Variants in UNC5B observed in about 807,000 individuals in gnomAD.
The protein encoded by UNC5B is unc-5 netrin receptor B.
In UNC5B, 56 loss-of-function variants were observed where a neutral mutation model predicts 103.7. That is an observed-to-expected ratio of 0.54 (90% confidence interval 0.44 to 0.67). The LOEUF (loss-of-function observed/expected upper bound fraction) is 0.67. Ranked by LOEUF, UNC5B falls within the 30% of genes least tolerant of loss-of-function variation. The probability of loss-of-function intolerance (pLI) is 0.00; values close to 1 mark genes in which losing one functional copy is unlikely to be tolerated. For missense variants in UNC5B, 1,194 were observed against 1,284.5 expected (o/e 0.93, Z 1.08); for synonymous variants, 577 against 542.0 (o/e 1.06, Z -0.90).
intron 1 of UNC5B, among the ~76,000 whole-genome samples, chr10:71,224,288 C>T (rs1843513685): frequency 6.7e-6 from 1 of 148,472 alleles, no homozygotes; most frequent in Admixed American, 6.7e-5. Context: ...GCCGGGGCTG[C>T]TGGGCACAGT....
At chr10:71,297,018 G>C (rs77187832) in intron 15 of UNC5B, among the ~76,000 whole-genome samples, 1 of 141,722 alleles carries the variant, frequency 7.1e-6, no homozygotes, top group African/African-American at 2.6e-5. Context: ...CAGATATTCC[G>C]GCTGCACAGC....
Position 71,290,931 on chromosome 10 carries a change from G to A in UNC5B, c.1116G>A (p.Gly372=). ...TCCCCGCAGTGCTGGAGGCCTCAGG[G>A]GATGCGGCGCTGTATGCGGGGCTCG... ...DPNSHLLEAS[G]DAALYAGLVV... Residue 372 remains glycine, a synonymous_variant, in exon 9 of 17, where the codon GGG becomes GGA. Coordinates refer to ENST00000335350, the MANE Select transcript of UNC5B (RefSeq NM_170744.5). 6.2e-7 allele frequency: 1 copy of A among 1,612,946 alleles called. No homozygotes were observed. Among genetic ancestry groups the A allele is most frequent in the South Asian group, 1.1e-5 (1 of 91,022 alleles).
intron 1 of UNC5B, among the ~76,000 whole-genome samples, chr10:71,270,878 T>C (rs1844631324): frequency 6.6e-6 from 1 of 152,124 alleles, no homozygotes; most frequent in Non-Finnish European, 1.5e-5. Flanking sequence ...AGCCTGCCAT[T>C]GCCTTAGGGG....
At position 71,287,673 on chromosome 10, in the gene UNC5B, C is replaced by A. The variant is rs763080232; in HGVS notation, c.809C>A (p.Thr270Asn). ...TGTGGCCGAGGCTGGCAGAAGCGCA[C>A]CCGGACCTGCACCAACCCCGCTCCA... ...NRCGRGWQKR[T>N]RTCTNPAPLN... is the part of the protein sequence containing the mutation. Residue 270 changes from threonine (T) to asparagine (N), a missense_variant, in exon 6 of 17, where the codon ACC becomes AAC. Coordinates refer to ENST00000335350, the MANE Select transcript of UNC5B (RefSeq NM_170744.5). 5 of 1,613,280 alleles carry A rather than the reference C, an allele frequency of 3.1e-6. No homozygotes were observed. In the Admixed American group the frequency reaches 8.3e-5, roughly 27 times the overall value.
chr10:71,287,895 C>T (rs545714872), intron 6 of UNC5B, 130 bp downstream of exon 6: 29 of 1,286,312 alleles, frequency 2.3e-5, no homozygotes, highest in Admixed American at 9.4e-5. Context: ...AGCCCACAGC[C>T]GGCTGCCCAG....
intron 8 of UNC5B, among the ~76,000 whole-genome samples, chr10:71,290,557 C>A (rs2132309652): frequency 6.6e-6 from 1 of 152,332 alleles, no homozygotes; most frequent in Non-Finnish European, 1.5e-5. Context: ...GCTACAGACT[C>A]AGAGGTTTCA....
chr10:71,291,574 C>A lies in UNC5B; in HGVS notation c.1437C>A (p.Ser479Arg), dbSNP rs1470633626. ...CTCCTCTGCTGGACCCCTTACCCAGCCTTAAGGTCAAGGTCTACAGCTCCA... is the reference window on the plus strand; with the variant it reads ...CTCCTCTGCTGGACCCCTTACCCAGACTTAAGGTCAAGGTCTACAGCTCCA... ...TNSPLLDPLP[S>R]LKVKVYSSST... The change falls in exon 10 of 17, where the codon AGC becomes AGA. Residue 479 changes from serine to arginine, a missense_variant. Coordinates refer to ENST00000335350, the MANE Select transcript of UNC5B (RefSeq NM_170744.5). 6.2e-7 allele frequency: 1 copy of A among 1,614,048 alleles called. No homozygotes were observed. Among genetic ancestry groups the A allele is most frequent in the Admixed American group, 1.7e-5 (1 of 60,000 alleles).
In UNC5B at chr10:71,213,728, A is replaced by AGTGTGTGTGT. The variant is rs58235566; in HGVS notation, c.79+689_79+698dup. 0.1 allele frequency among the ~76,000 whole-genome samples: 13,448 copies of AGTGTGTGTGT among 131,254 alleles called. 796 individuals carry two copies. The highest frequency in any genetic ancestry group is 0.14 in the Non-Finnish European group (8,611 of 62,580). 86.1% of individuals were successfully genotyped at this position (131,254 alleles called of 152,430 possible). ...ATTATTAATTTTCTGAGTGTTGGAG[A>AGTGTGTGTGT]GTGTGTGTGTGTGTGTGTGTGTGTG... is the stretch of plus-strand genomic sequence containing the variant. On this transcript the variant is annotated intron_variant, in intron 1 of 16. Transcript: ENST00000335350. The surrounding 1 kb of genome is among the most constrained non-coding windows in gnomAD (Gnocchi z 4.1).
rs189048975 is a variant in UNC5B at position 71,285,436 on chromosome 10, G to A, written c.552+7G>A. Reference sequence around the variant, plus strand: ...GGGGGTGCCTGTGGCCGAGGTGAGCGGGGACGTAGGGACCACTGAGCACGG... The same window carrying A: ...GGGGGTGCCTGTGGCCGAGGTGAGCAGGGACGTAGGGACCACTGAGCACGG... On this transcript the variant is annotated splice_region_variant and intron_variant, in intron 4 of 16. Coordinates refer to ENST00000335350, the MANE Select transcript of UNC5B (RefSeq NM_170744.5). The A allele has an allele frequency of 8.1e-4, 1,285 of 1,578,944 alleles. 8 individuals are homozygous for A. In the African/African-American group the frequency reaches 0.012, roughly 15 times the overall value.
chr10:71,252,631 C>G (rs561456786), intron 1 of UNC5B, among the ~76,000 whole-genome samples: 89 of 152,310 alleles, frequency 5.8e-4, no homozygotes, highest in African/African-American at 2.0e-3. Context: ...TTCTTCAGAG[C>G]AACCCTAACC....
chr10:71,287,806 G>A, intron 6 of UNC5B, 41 bp downstream of exon 6: 1 of 1,585,544 alleles, frequency 6.3e-7, no homozygotes. Context: ...CCCGAACCCT[G>A]TCCCACCTTC....
rs1330687933 is a variant in UNC5B, at chr10:71,288,559, C to A, written c.902-9C>A. 1 of 1,610,332 alleles carries A rather than the reference C, an allele frequency of 6.2e-7. No individual in the cohort carries two copies. The highest frequency in any genetic ancestry group is 1.3e-5 in the African/African-American group (1 of 74,846). The stretch of plus-strand genomic sequence containing the variant: ...CGTGCACATGCTCCTGTATGCCATG[C>A]TCTTACAGTCGATGGGGCGTGGACG... On this transcript the variant is annotated splice_polypyrimidine_tract_variant and intron_variant, in intron 6 of 16. Transcript: ENST00000335350.
intron 1 of UNC5B, among the ~76,000 whole-genome samples, chr10:71,276,566 T>C (rs1349218357): frequency 6.6e-6 from 1 of 152,206 alleles, no homozygotes; most frequent in African/African-American, 2.4e-5. Flanking sequence ...CCCGAGTAGC[T>C]GGGATTAGAG....
intron 13 of UNC5B, 133 bp downstream of exon 13, chr10:71,294,066 C>A: frequency 1.2e-6 from 1 of 836,710 alleles, no homozygotes; most frequent in African/African-American, 1.7e-5. Flanking sequence ...GTCCCGCTTG[C>A]GACCCTCACA....
chr10:71,282,178 T>A (rs1017639105), intron 2 of UNC5B, among the ~76,000 whole-genome samples: 1 of 152,204 alleles, frequency 6.6e-6, no homozygotes, highest in African/African-American at 2.4e-5. Context: ...TCCTTGGCAG[T>A]GGTGGGGCCT....
Position 71,300,167 on chromosome 10 carries a change from T to C in UNC5B, c.*890T>C, listed in dbSNP as rs1276384661. 1.3e-5 allele frequency: 2 copies of C among 152,138 alleles called. No individual in the cohort carries two copies. The highest frequency in any genetic ancestry group is 4.8e-5 in the African/African-American group (2 of 41,418). The allele number at this position is 152,138 out of a possible 1,614,324, so 9.4% of individuals were successfully genotyped here. ...TCTGACAAGGCCTCAGTTTCCCCAG[T>C]TGTGCAGGGAGTAGGTCAGACAGGG... On this transcript the variant is annotated 3_prime_UTR_variant, in exon 17 of 17. Coordinates refer to ENST00000335350, the MANE Select transcript of UNC5B (RefSeq NM_170744.5).
chr10:71,267,956 T>C (rs1160414645), intron 1 of UNC5B, among the ~76,000 whole-genome samples: 1 of 152,180 alleles, frequency 6.6e-6, no homozygotes, highest in East Asian at 1.9e-4. Context: ...CTGAGGCAAG[T>C]TACTACTCCT....
At chr10:71,242,814 G>A (rs144534287) in intron 1 of UNC5B, among the ~76,000 whole-genome samples, 457 of 152,304 alleles carry the variant, frequency 3.0e-3, no homozygotes, top group Non-Finnish European at 5.2e-3. Context: ...TGAGGGAGAC[G>A]GGGCCACGGT....
At position 71,271,484 on chromosome 10, in the gene UNC5B, G is replaced by A. The variant is rs80294631; in HGVS notation, c.80-8337G>A. Among the ~76,000 whole-genome samples the A allele has an allele frequency of 3.0e-3, 454 of 152,326 alleles. 8 individuals are homozygous for A. Among genetic ancestry groups the A allele is most frequent in the East Asian group, 0.024 (124 of 5,174 alleles). ...AGTGACCCCATCGGACCTGAAACTT[G>A]GAAAAGGAACCAAAAATTAGCCCCA... On this transcript the variant is annotated intron_variant, in intron 1 of 16. Transcript: ENST00000335350.
Sources: allele counts gnomAD v4.1 joint callset (sites outside exome capture counted in the v4.1 genomes callset), GRCh38; gene constraint gnomAD v4.1.1; non-coding constraint Gnocchi (gnomAD v3.1); transcripts MANE v1.5; gene names NCBI Gene and HGNC (gene_info 2026-07-23, HGNC 2026-07-21).